MEP1A: variants seen among roughly 807,000 people sequenced by gnomAD.
MEP1A encodes the protein N-benzoyl-L-tyrosyl-P-amino-benzoic acid hydrolase subunit alpha.
In MEP1A, 68 loss-of-function variants were observed where a neutral mutation model predicts 84.5. That is an observed-to-expected ratio of 0.80 (90% confidence interval 0.66 to 0.98). The LOEUF (loss-of-function observed/expected upper bound fraction) is 0.98, where lower values mean the gene tolerates loss of function less well. Ranked by LOEUF, MEP1A falls within the 50% of genes least tolerant of loss-of-function variation. MEP1A has a pLI of 0.00. For synonymous variants in MEP1A, 337 were observed against 336.8 expected (o/e 1.00, Z -0.01); for missense variants, 887 against 919.9 (o/e 0.96, Z 0.46).
chr6:46,797,547 G>A (rs1325037890), intron 3 of MEP1A, among the ~76,000 whole-genome samples: 2 of 152,202 alleles, frequency 1.3e-5, no homozygotes, highest in Admixed American at 6.5e-5. Flanking sequence ...GATGTGGGCA[G>A]CACCTTGAGC....
rs1435342305 is a variant in MEP1A, at chr6:46,825,471, G to A, written c.756G>A (p.Arg252=). The part of the protein sequence containing the change: ...RLDFSAIDLE[R]LNRMYNCTTT... ...ATTTCAGTGCCATTGATTTAGAGAGGCTGAACCGAATGTACAATTGCAGTG... is the reference window on the plus strand; with the variant it reads ...ATTTCAGTGCCATTGATTTAGAGAGACTGAACCGAATGTACAATTGCAGTG... The change falls in exon 8 of 14, where the codon AGG becomes AGA. Residue 252 remains arginine, a synonymous_variant. Coordinates refer to ENST00000230588, the MANE Select transcript of MEP1A (RefSeq NM_005588.3). 2 of 1,612,514 alleles carry A rather than the reference G, an allele frequency of 1.2e-6. No homozygotes were observed. The highest frequency in any genetic ancestry group is 1.7e-5 in the Admixed American group (1 of 59,878).
intron 6 of MEP1A, 94 bp from the exon 7 acceptor site, chr6:46,819,435 C>T: frequency 1.0e-6 from 1 of 997,402 alleles, no homozygotes; most frequent in Non-Finnish European, 1.5e-6. Context: ...TAAAATCAAG[C>T]CTAATTTCCT....
At chr6:46,838,869 G>A in intron 13 of MEP1A, 111 bp from the exon 14 acceptor site, 1 of 880,444 alleles carries the variant, frequency 1.1e-6, no homozygotes, top group South Asian at 1.7e-5. Flanking sequence ...GGCACCACGT[G>A]GACCTGCTCA....
chr6:46,807,840 G>GAAAGAAAGAAAGAAAGGAAGA (rs1562107182), intron 5 of MEP1A, among the ~76,000 whole-genome samples: 5 of 107,774 alleles, frequency 4.6e-5, no homozygotes, highest in Non-Finnish European at 1.1e-4. Flanking sequence ...AGAAAGAAAG[G>GAAAGAAAGAAAGAAAGGAAGA]AAGAAAGGAA....
intron 9 of MEP1A, among the ~76,000 whole-genome samples, chr6:46,828,719 T>A (rs1252865294): frequency 6.6e-6 from 1 of 152,198 alleles, no homozygotes; most frequent in Non-Finnish European, 1.5e-5. Context: ...GTAAACCCTA[T>A]CTCTGGCACT....
chr6:46,842,330 T>G (rs558279955), downstream of MEP1A, among the ~76,000 whole-genome samples: 1 of 152,332 alleles, frequency 6.6e-6, no homozygotes, highest in South Asian at 2.1e-4. Context: ...TTTTAATTCT[T>G]GCAGAGAGCG....
intron 6 of MEP1A, among the ~76,000 whole-genome samples, chr6:46,810,121 T>C (rs1767459663): frequency 6.6e-6 from 1 of 151,712 alleles, no homozygotes; most frequent in African/African-American, 2.4e-5. Flanking sequence ...TCCACACCAA[T>C]ATATATAATT....
chr6:46,805,133 C>G (rs572287821), intron 5 of MEP1A, among the ~76,000 whole-genome samples: 2 of 151,786 alleles, frequency 1.3e-5, no homozygotes, highest in South Asian at 4.1e-4. Flanking sequence ...CTATGAGTAG[C>G]CTTGCACATA....
At chr6:46,828,026 T>A (rs1335607752) in intron 9 of MEP1A, among the ~76,000 whole-genome samples, 2 of 152,182 alleles carry the variant, frequency 1.3e-5, no homozygotes, top group East Asian at 1.9e-4. Context: ...TACAGGTGGA[T>A]GCGTAGACAC....
In MEP1A at chr6:46,839,108, C is replaced by T. The variant is rs765228368; in HGVS notation, c.2213C>T (p.Ala738Val). The T allele has an allele frequency of 6.2e-7, 1 of 1,612,840 alleles. No homozygotes were observed. The highest frequency in any genetic ancestry group is 1.9e-4 in the Middle Eastern group (1 of 5,198). Residue 738 changes from alanine (A) to valine (V), a missense_variant, in exon 14 of 14, where the codon GCC (alanine) becomes GTC (valine). Physicochemically the swap from Ala to Val is moderately conservative, Grantham distance 64. Coordinates refer to ENST00000230588, the MANE Select transcript of MEP1A (RefSeq NM_005588.3). ...GVIFLTFSII[A>V]ILSQRPRK is the part of the protein sequence containing the mutation. ...ATCTTCTTGACCTTCTCCATCATCG[C>T]CATCCTTTCCCAAAGGCCAAGGAAG...
At chr6:46,819,264 A>G (rs1047425991) in intron 6 of MEP1A, among the ~76,000 whole-genome samples, 12 of 152,226 alleles carry the variant, frequency 7.9e-5, no homozygotes, top group African/African-American at 2.9e-4. Context: ...ACGAATTGTT[A>G]TAATAGGATT....
rs755216966 is a variant in MEP1A at position 46,826,425 on chromosome 6, A to C, written c.850A>C (p.Arg284=). Residue 284 remains arginine (R), a synonymous_variant, in exon 9 of 14, where the codon AGA becomes CGA. Transcript: ENST00000230588. ...CATCTGTGGAATGATTCAGGGCACC[A>C]GAGATGACACTGACTGGGCCCATCA... is the stretch of plus-strand genomic sequence containing the variant. ...ANICGMIQGT[R]DDTDWAHQDS... 1.6e-5 allele frequency: 25 copies of C among 1,609,820 alleles called. No individual in the cohort carries two copies. The highest frequency in any genetic ancestry group is 2.1e-5 in the Non-Finnish European group (25 of 1,178,040).
chr6:46,806,232 A>G (rs1436303927), intron 5 of MEP1A, among the ~76,000 whole-genome samples: 1 of 152,052 alleles, frequency 6.6e-6, no homozygotes. Flanking sequence ...AATATCTATC[A>G]ATAACAATTT....
chr6:46,798,216 C>T (rs912978939), intron 3 of MEP1A, among the ~76,000 whole-genome samples: 7 of 152,130 alleles, frequency 4.6e-5, no homozygotes, highest in Admixed American at 3.3e-4. Flanking sequence ...GATTCATCCA[C>T]CTTGGCCTCC....
At chr6:46,801,761 G>A (rs968777673) in intron 5 of MEP1A, among the ~76,000 whole-genome samples, 5 of 152,126 alleles carry the variant, frequency 3.3e-5, no homozygotes, top group Non-Finnish European at 5.9e-5. Context: ...ATAATTGATT[G>A]CAAACTAATT....
chr6:46,826,401 A>G lies in MEP1A; in HGVS notation c.826A>G (p.Ile276Val). The change falls in exon 9 of 14, where the codon ATC (isoleucine) becomes GTC (valine). Residue 276 changes from isoleucine to valine, a missense_variant. Transcript: ENST00000230588. ...CCACTGTACTTTTGAGAAGGCAAAC[A>G]TCTGTGGAATGATTCAGGGCACCAG... ...LDHCTFEKAN[I>V]CGMIQGTRDD... 6.2e-7 allele frequency: 1 copy of G among 1,610,292 alleles called. No individual in the cohort carries two copies. The highest frequency in any genetic ancestry group is 8.5e-7 in the Non-Finnish European group (1 of 1,178,216).
downstream of MEP1A, among the ~76,000 whole-genome samples, chr6:46,844,329 C>G (rs1768380248): frequency 6.6e-6 from 1 of 151,998 alleles, no homozygotes; most frequent in Non-Finnish European, 1.5e-5. Flanking sequence ...TAGGGCAGCC[C>G]AACAGATGTG....
chr6:46,838,466 C>CGTGAGATA (rs1768265595), intron 13 of MEP1A, among the ~76,000 whole-genome samples: 1 of 152,188 alleles, frequency 6.6e-6, no homozygotes, highest in South Asian at 2.1e-4. Context: ...AGGGCAACCT[C>CGTGAGATA]GTGAGATAGT....
chr6:46,803,462 GTGTTTTCCC>G (rs1331078055), intron 5 of MEP1A, among the ~76,000 whole-genome samples: 2 of 151,380 alleles, frequency 1.3e-5, no homozygotes, highest in Non-Finnish European at 3.0e-5. Flanking sequence ...TTGGCAATTT[GTGTTTTCCC>G]TCTTTTTTTC....
Sources: gnomAD v4.1 joint callset for allele counts (sites outside exome capture counted in the v4.1 genomes callset) on GRCh38, gnomAD v4.1.1 for gene constraint, MANE v1.5 for transcripts, NCBI Gene and HGNC (gene_info 2026-07-23, HGNC 2026-07-21) for gene names.